EYS: variants seen among roughly 807,000 people sequenced by gnomAD.
EYS encodes the protein protein eyes shut homolog.
Under a neutral mutation model 282.1 loss-of-function variants are expected in EYS, and 250 were observed. That is an observed-to-expected ratio of 0.89 (90% CI 0.80 to 0.98). The LOEUF (loss-of-function observed/expected upper bound fraction) is 0.98, where lower values mean the gene tolerates loss of function less well. EYS is among the 50% of genes least tolerant of loss of function. The pLI is 0.00. For synonymous variants in EYS, 1,355 were observed against 1,282.9 expected (o/e 1.06, Z -1.20); for missense variants, 4,016 against 3,709.0 (o/e 1.08, Z -2.15).
At chr6:65,365,408 C>T (rs1284093323) in intron 8 of EYS, among the ~76,000 whole-genome samples, 1 of 151,638 alleles carries the variant, frequency 6.6e-6, no homozygotes, top group Admixed American at 6.7e-5. Flanking sequence ...CTGTGGATCT[C>T]TGTCTCCATC....
intron 35 of EYS, among the ~76,000 whole-genome samples, chr6:63,945,808 G>C (rs1028336136): frequency 1.6e-4 from 25 of 152,042 alleles, no homozygotes; most frequent in African/African-American, 5.8e-4. Flanking sequence ...CTAATTTCTT[G>C]AATTAACACA....
intron 22 of EYS, among the ~76,000 whole-genome samples, chr6:64,646,761 C>A (rs560898342): frequency 6.6e-6 from 1 of 150,960 alleles, no homozygotes; most frequent in Non-Finnish European, 1.5e-5. Context: ...GCTGAGATTG[C>A]GCCACTGCAC....
chr6:64,121,189 G>A lies in EYS; in HGVS notation c.6425-39187C>T, dbSNP rs928560450. Among the ~76,000 whole-genome samples the A allele has an allele frequency of 2.6e-5, 4 of 152,210 alleles. No homozygotes were observed. The South Asian group carries it at 8.3e-4, about 32-fold the overall frequency. On this transcript the variant is annotated intron_variant, in intron 31 of 42. Transcript: ENST00000503581. ...CTATGACCCAGTCTGATGAAAATTA[G>A]CATAATCATGCGGATGAGCAGGCCA...
chr6:64,672,340 C>T (rs1375176749), intron 22 of EYS, among the ~76,000 whole-genome samples: 1 of 152,134 alleles, frequency 6.6e-6, no homozygotes, highest in East Asian at 1.9e-4. Context: ...GATACAAGTA[C>T]GTACAATCTG....
chr6:64,725,021 G>C (rs571919206), intron 22 of EYS, among the ~76,000 whole-genome samples: 1 of 151,936 alleles, frequency 6.6e-6, no homozygotes, highest in Non-Finnish European at 1.5e-5. Context: ...CACCAAAAAT[G>C]TAAAAGTGTA....
At chr6:63,922,588 G>C (rs1489763044) in intron 35 of EYS, among the ~76,000 whole-genome samples, 1 of 152,104 alleles carries the variant, frequency 6.6e-6, no homozygotes, top group Non-Finnish European at 1.5e-5. Flanking sequence ...TCTAGGGAGA[G>C]AAGATAATTA....
chr6:64,298,262 G>T (rs1922962), intron 30 of EYS, among the ~76,000 whole-genome samples: 4 of 151,964 alleles, frequency 2.6e-5, no homozygotes, highest in African/African-American at 9.7e-5. Context: ...CATTAAAATT[G>T]TTCTAATAGT....
chr6:64,108,965 G>C (rs1247097138), intron 31 of EYS, among the ~76,000 whole-genome samples: 1 of 152,056 alleles, frequency 6.6e-6, no homozygotes, highest in African/African-American at 2.4e-5. Context: ...CAGGCACCTG[G>C]AAAGGTCAAG....
At chr6:64,560,386 G>A (rs1311257756) in intron 26 of EYS, among the ~76,000 whole-genome samples, 1 of 151,814 alleles carries the variant, frequency 6.6e-6, no homozygotes, top group African/African-American at 2.4e-5. Flanking sequence ...TAGATAATCT[G>A]AATTAATTTT....
chr6:64,797,562 C>T (rs1774396117), intron 22 of EYS, among the ~76,000 whole-genome samples: 1 of 151,944 alleles, frequency 6.6e-6, no homozygotes, highest in Non-Finnish European at 1.5e-5. Flanking sequence ...TTATATCTCA[C>T]CTGATTGACC....
intron 22 of EYS, among the ~76,000 whole-genome samples, chr6:64,796,880 T>C (rs1317501033): frequency 6.6e-6 from 1 of 152,128 alleles, no homozygotes; most frequent in East Asian, 1.9e-4. Context: ...TTTACACCAT[T>C]CTTGTAATTT....
In EYS at chr6:64,792,208, G is replaced by A. The variant is rs563877983; in HGVS notation, c.3443+21170C>T. ...ACTTTTAGATATACATATTAACCTT[G>A]CCCAAATTATTTCCTATTAACTTCT... is the stretch of plus-strand genomic sequence containing the variant. On this transcript the variant is annotated intron_variant, in intron 22 of 42. Transcript: ENST00000503581. 8.6e-5 allele frequency among the ~76,000 whole-genome samples: 13 copies of A among 151,844 alleles called. No individual in the cohort carries two copies. The East Asian group carries it at 2.5e-3, about 29-fold the overall frequency.
At chr6:63,799,022 A>ATATATAAT (rs1770720007) in intron 37 of EYS, among the ~76,000 whole-genome samples, 3 of 69,568 alleles carry the variant, frequency 4.3e-5, no homozygotes, top group African/African-American at 1.7e-4. Flanking sequence ...TATATATATA[A>ATATATAAT]TTTTTTTTTT....
intron 11 of EYS, among the ~76,000 whole-genome samples, chr6:65,322,077 T>G (rs2150305908): frequency 6.6e-6 from 1 of 152,342 alleles, no homozygotes; most frequent in South Asian, 2.1e-4. Flanking sequence ...ACGCTTAGCC[T>G]AATTAATGTG....
intron 22 of EYS, among the ~76,000 whole-genome samples, chr6:64,751,333 A>G (rs900642612): frequency 7.2e-5 from 11 of 152,132 alleles, no homozygotes; most frequent in Non-Finnish European, 1.5e-4. Flanking sequence ...TGAAGCAACT[A>G]TACTTCCCGG....
chr6:64,328,199 T>G (rs546264583), intron 29 of EYS, among the ~76,000 whole-genome samples: 1 of 152,316 alleles, frequency 6.6e-6, no homozygotes, highest in South Asian at 2.1e-4. Flanking sequence ...CCTGGGCTGA[T>G]TGCAAACAAC....
At chr6:65,141,182 G>A (rs151231338) in intron 12 of EYS, among the ~76,000 whole-genome samples, 162 of 152,148 alleles carry the variant, frequency 1.1e-3, no homozygotes, top group African/African-American at 3.7e-3. Flanking sequence ...ATGAGTTCAT[G>A]TCATTTGTAG....
At chr6:64,761,892 TTA>T (rs1773172866) in intron 22 of EYS, among the ~76,000 whole-genome samples, 1 of 152,172 alleles carries the variant, frequency 6.6e-6, no homozygotes, top group Non-Finnish European at 1.5e-5. Context: ...CACATAAAAA[TTA>T]CCTTTTGGGG....
chr6:65,641,046 C>T (rs1255636946), intron 1 of EYS, among the ~76,000 whole-genome samples: 4 of 152,070 alleles, frequency 2.6e-5, no homozygotes, highest in South Asian at 2.1e-4. Flanking sequence ...GTCTCCCATG[C>T]TTGTGGTGTT....
Sources: gnomAD v4.1 joint callset for allele counts (sites outside exome capture counted in the v4.1 genomes callset) on GRCh38, gnomAD v4.1.1 for gene constraint, MANE v1.5 for transcripts, NCBI Gene and HGNC (gene_info 2026-07-23, HGNC 2026-07-21) for gene names.